LAMA2: variants seen among roughly 807,000 people sequenced by gnomAD.
The protein encoded by LAMA2 is laminin subunit alpha-2.
In LAMA2, 269 loss-of-function variants were observed where a neutral mutation model predicts 364.8. The ratio of observed to expected loss-of-function variants is 0.74; its 90% CI spans 0.67 to 0.82. LAMA2 has a LOEUF of 0.82. Ranked by LOEUF, LAMA2 falls within the 40% of genes least tolerant of loss-of-function variation. LAMA2 has a pLI of 0.00. For synonymous variants in LAMA2, 1,379 were observed against 1,370.6 expected, an observed-to-expected ratio of 1.01 and a Z score of -0.14; for missense variants, 3,807 against 3,873.2, an observed-to-expected ratio of 0.98 and a Z score of 0.45.
At chr6:128,992,655 T>A (rs752859686) in intron 1 of LAMA2, among the ~76,000 whole-genome samples, 16 of 152,286 alleles carry the variant, frequency 1.1e-4, no homozygotes, top group South Asian at 6.2e-4. Context: ...AACAAAAAAG[T>A]CTGTATTCTA....
At chr6:129,113,812 C>A (rs1474399850) in intron 4 of LAMA2, among the ~76,000 whole-genome samples, 2 of 151,962 alleles carry the variant, frequency 1.3e-5, no homozygotes, top group Non-Finnish European at 2.9e-5. Context: ...GTCTTTGAGG[C>A]ACCCTAGAGA....
intron 1 of LAMA2, among the ~76,000 whole-genome samples, chr6:128,923,442 T>A (rs1412804027): frequency 1.4e-5 from 2 of 147,200 alleles, no homozygotes; most frequent in Non-Finnish European, 3.1e-5. Context: ...GTAAGTTGGA[T>A]TCCTAGGTAT....
In LAMA2 at chr6:128,886,673, C is replaced by T. The variant is rs79410731; in HGVS notation, c.112+3316C>T. ...ACTGTCCTCAAATTTTCAGAAGAGT[C>T]GTTATGTTAAAGAGGGACTATTCTA... is the stretch of plus-strand genomic sequence containing the variant. On this transcript the variant is annotated intron_variant, in intron 1 of 64. Transcript: ENST00000421865. 3.7e-4 allele frequency among the ~76,000 whole-genome samples: 57 copies of T among 152,138 alleles called. 1 individual carries two copies. The highest frequency in any genetic ancestry group is 1.3e-3 in the African/African-American group (54 of 41,510).
At chr6:128,978,056 A>G (rs74902542) in intron 1 of LAMA2, among the ~76,000 whole-genome samples, 1 of 152,200 alleles carries the variant, frequency 6.6e-6, no homozygotes, top group Non-Finnish European at 1.5e-5. Context: ...ATAAGAGAAG[A>G]TAAGTACGGA....
intron 1 of LAMA2, among the ~76,000 whole-genome samples, chr6:128,898,342 A>C (rs1776890953): frequency 6.6e-6 from 1 of 152,198 alleles, no homozygotes; most frequent in African/African-American, 2.4e-5. Flanking sequence ...ATTTGCCAGG[A>C]TTGAACATAG....
At chr6:129,250,971 A>C (rs1786140193) in intron 13 of LAMA2, among the ~76,000 whole-genome samples, 1 of 150,744 alleles carries the variant, frequency 6.6e-6, no homozygotes, top group Admixed American at 6.6e-5. Context: ...GACATTTTCC[A>C]GTATTGGATG....
intron 1 of LAMA2, among the ~76,000 whole-genome samples, chr6:128,991,499 T>C (rs1449747459): frequency 6.6e-6 from 1 of 152,204 alleles, no homozygotes; most frequent in Non-Finnish European, 1.5e-5. Flanking sequence ...TAACATTGCA[T>C]AAAAACTTGT....
At chr6:129,413,887 A>G (rs191824264) in intron 40 of LAMA2, among the ~76,000 whole-genome samples, 23 of 152,246 alleles carry the variant, frequency 1.5e-4, no homozygotes, top group African/African-American at 4.6e-4. Flanking sequence ...AATAAAAATA[A>G]AAGCAGAAAT....
Position 129,486,627 on chromosome 6 carries a change from C to A in LAMA2, c.7898+5C>A, listed in dbSNP as rs1317887091. On this transcript the variant is annotated splice_donor_5th_base_variant and intron_variant, in intron 56 of 64. Coordinates refer to ENST00000421865, the MANE Select transcript of LAMA2 (RefSeq NM_000426.4). ...TCATGTAGAGCGAACTAGAGGGTAA[C>A]AATAGCACTAAAATATTTATTATTG... The A allele has an allele frequency of 3.7e-6, 6 of 1,611,948 alleles. No individual in the cohort carries two copies. Among genetic ancestry groups the A allele is most frequent in the Non-Finnish European group, 5.1e-6 (6 of 1,178,206 alleles).
chr6:128,910,709 C>T (rs1777860852), intron 1 of LAMA2, among the ~76,000 whole-genome samples: 1 of 152,076 alleles, frequency 6.6e-6, no homozygotes, highest in Admixed American at 6.5e-5. Flanking sequence ...GGAGGAGAGG[C>T]GCTCTGCTTT....
chr6:128,991,797 C>T (rs1295764667), intron 1 of LAMA2, among the ~76,000 whole-genome samples: 1 of 152,106 alleles, frequency 6.6e-6, no homozygotes, highest in East Asian at 1.9e-4. Flanking sequence ...TTTCTATGTG[C>T]CCCTGACATC....
intron 2 of LAMA2, among the ~76,000 whole-genome samples, chr6:129,058,605 G>A (rs1215541668): frequency 6.6e-6 from 1 of 152,174 alleles, no homozygotes; most frequent in Non-Finnish European, 1.5e-5. Flanking sequence ...AATGCCGGAT[G>A]AGAGGTTTGG....
intron 4 of LAMA2, among the ~76,000 whole-genome samples, chr6:129,099,301 G>T (rs1306130531): frequency 6.6e-6 from 1 of 151,716 alleles, no homozygotes; most frequent in Non-Finnish European, 1.5e-5. Flanking sequence ...ATGCTGAAAT[G>T]CACACTAAGT....
chr6:129,206,094 G>A (rs56030305), intron 12 of LAMA2, among the ~76,000 whole-genome samples: 2,475 of 98,094 alleles, frequency 0.025, 78 homozygotes, highest in Non-Finnish European at 0.036. Flanking sequence ...GGAAGGAAGG[G>A]AGGGAGGGAG....
Position 129,503,198 on chromosome 6 carries a change from T to C in LAMA2, c.8465T>C (p.Leu2822Ser). The change falls in exon 60 of 65, where the codon TTG becomes TCG. Residue 2822 changes from leucine (L) to serine (S), a missense_variant. This residue lies in a region of LAMA2 where 3,333 missense variants were observed against 3,345.7 expected (regional missense o/e 1.00). Transcript: ENST00000421865. ...GCAACAGTTCAGCTGAGAAATGGAT[T>C]GCCCTACTTCAGCTATGACTTGGGG... Reference protein sequence around the residue: ...DFATVQLRNGLPYFSYDLGSG... With the variant: ...DFATVQLRNGSPYFSYDLGSG... 6.2e-7 allele frequency: 1 copy of C among 1,614,118 alleles called. No individual in the cohort carries two copies. Among genetic ancestry groups the C allele is most frequent in the Non-Finnish European group, 8.5e-7 (1 of 1,179,968 alleles).
intron 15 of LAMA2, among the ~76,000 whole-genome samples, chr6:129,262,478 A>G (rs535380492): frequency 6.6e-6 from 1 of 152,168 alleles, no homozygotes; most frequent in African/African-American, 2.4e-5. Flanking sequence ...AGATAGAAGC[A>G]TTTGAGTGTG....
At chr6:129,107,978 T>C (rs936652642) in intron 4 of LAMA2, among the ~76,000 whole-genome samples, 1 of 152,176 alleles carries the variant, frequency 6.6e-6, no homozygotes. Context: ...TTTGAGCTGC[T>C]GCTTATTTTT....
At chr6:129,423,903 C>T (rs1198327386) in intron 40 of LAMA2, among the ~76,000 whole-genome samples, 1 of 151,842 alleles carries the variant, frequency 6.6e-6, no homozygotes, top group Non-Finnish European at 1.5e-5. Flanking sequence ...TAAAAATTTA[C>T]AGATATGTTT....
intron 32 of LAMA2, among the ~76,000 whole-genome samples, chr6:129,359,621 G>A (rs1436545460): frequency 3.1e-5 from 4 of 129,518 alleles, no homozygotes; most frequent in Admixed American, 8.8e-5. Context: ...ATTCATCTAG[G>A]AGAGTTAATT....
Sources: allele counts gnomAD v4.1 joint callset (sites outside exome capture counted in the v4.1 genomes callset), GRCh38; gene constraint gnomAD v4.1.1; regional missense constraint gnomAD v4.1.1; transcripts MANE v1.5; gene names NCBI Gene and HGNC (gene_info 2026-07-23, HGNC 2026-07-21).